Variants in UGT1A9 observed in about 807,000 individuals in gnomAD.
UGT1A9 encodes the protein UDP-glucuronosyltransferase 1A9.
A neutral mutation model predicts 45.0 loss-of-function variants in UGT1A9; 35 were observed. The observed-to-expected ratio is 0.78, with a 90% confidence interval of 0.59 to 1.03. The LOEUF is 1.03. UGT1A9 is among the 50% of genes least tolerant of loss of function. The probability of loss-of-function intolerance (pLI) is 0.00; values close to 1 mark genes in which losing one functional copy is unlikely to be tolerated. For missense variants in UGT1A9, 687 were observed against 666.6 expected (o/e 1.03, Z -0.34); for synonymous variants, 278 against 250.6 (o/e 1.11, Z -1.03).
At chr2:233,715,572 G>C (rs1398174608) in intron 1 of UGT1A9, among the ~76,000 whole-genome samples, 1 of 152,076 alleles carries the variant, frequency 6.6e-6, no homozygotes, top group African/African-American at 2.4e-5. Context: ...AGGAGTCTGA[G>C]AGCAGCCTGG....
At chr2:233,733,336 C>T (rs185739129) in intron 1 of UGT1A9, among the ~76,000 whole-genome samples, 4 of 152,264 alleles carry the variant, frequency 2.6e-5, no homozygotes, top group Admixed American at 2.6e-4. Context: ...CCAGAACTTC[C>T]AACAGTATGT....
intron 1 of UGT1A9, chr2:233,760,727 T>G: frequency 6.2e-7 from 1 of 1,614,214 alleles, no homozygotes; most frequent in Non-Finnish European, 8.5e-7. Context: ...AGCTTTGATG[T>G]CATGCTGACG....
intron 1 of UGT1A9, among the ~76,000 whole-genome samples, chr2:233,762,788 C>T (rs553369718): frequency 6.6e-6 from 1 of 151,422 alleles, no homozygotes; most frequent in East Asian, 1.9e-4. Context: ...ATTATCTACT[C>T]ATTACTCAGC....
chr2:233,723,050 G>T (rs1208688068), intron 1 of UGT1A9, among the ~76,000 whole-genome samples: 1 of 140,678 alleles, frequency 7.1e-6, no homozygotes, highest in African/African-American at 2.7e-5. Flanking sequence ...AGGCACACTC[G>T]GTGTAACTTT....
At chr2:233,724,827 C>G (rs2077319542) in intron 1 of UGT1A9, among the ~76,000 whole-genome samples, 1 of 135,060 alleles carries the variant, frequency 7.4e-6, no homozygotes, top group Non-Finnish European at 1.6e-5. Context: ...AATCTCGGCA[C>G]TTTGGGAGGC....
At position 233,767,018 on chromosome 2, in the gene UGT1A9, T is replaced by G. The variant is rs1699309557; in HGVS notation, c.856-16T>G. ...TATGAGAAAAAATTAACTGAAAATT[T>G]TTCTTCTGGCTCTAGGAATTTGAAG... On this transcript the variant is annotated splice_polypyrimidine_tract_variant and intron_variant, in intron 1 of 4. Coordinates refer to ENST00000354728, the MANE Select transcript of UGT1A9 (RefSeq NM_021027.3). 1 of 1,613,912 alleles carries G rather than the reference T, an allele frequency of 6.2e-7. No individual in the cohort carries two copies. Among genetic ancestry groups the G allele is most frequent in the East Asian group, 2.2e-5 (1 of 44,862 alleles).
chr2:233,743,224 A>G (rs397839834), intron 1 of UGT1A9: 25 of 414,132 alleles, frequency 6.0e-5, no homozygotes, highest in Middle Eastern at 7.1e-4. Context: ...GCTCTTTGCT[A>G]TTTATTATGA....
intron 1 of UGT1A9, among the ~76,000 whole-genome samples, chr2:233,720,622 C>T (rs1468465541): frequency 1.3e-5 from 2 of 151,716 alleles, no homozygotes; most frequent in African/African-American, 4.8e-5. Context: ...ATTTGGGTTT[C>T]ATTGAAATAG....
At chr2:233,712,068 A>G (rs1488052828) in intron 1 of UGT1A9, among the ~76,000 whole-genome samples, 1 of 152,218 alleles carries the variant, frequency 6.6e-6, no homozygotes, top group Non-Finnish European at 1.5e-5. Context: ...AATCTTCAGG[A>G]TGAAATAAAG....
chr2:233,746,674 G>T (rs1328656193), intron 1 of UGT1A9, among the ~76,000 whole-genome samples: 1 of 151,722 alleles, frequency 6.6e-6, no homozygotes, highest in South Asian at 2.1e-4. Context: ...TAGCATAGTA[G>T]GTAGGGCTCA....
intron 1 of UGT1A9, among the ~76,000 whole-genome samples, chr2:233,733,630 C>T (rs2078422347): frequency 6.6e-6 from 1 of 152,174 alleles, no homozygotes; most frequent in Non-Finnish European, 1.5e-5. Context: ...ATATGTTGAA[C>T]CAGCCTTGCA....
At chr2:233,695,534 T>C (rs2075294945) in intron 1 of UGT1A9, among the ~76,000 whole-genome samples, 1 of 152,134 alleles carries the variant, frequency 6.6e-6, no homozygotes, top group African/African-American at 2.4e-5. Context: ...TTTTTTCTTT[T>C]TCTTTTTTAA....
intron 1 of UGT1A9, chr2:233,693,643 T>C: frequency 6.2e-7 from 1 of 1,614,190 alleles, no homozygotes; most frequent in Non-Finnish European, 8.5e-7. Context: ...CCAACTTCCT[T>C]GTTAATTTGT....
Position 233,769,781 on chromosome 2 carries a change from G to A in UGT1A9, c.1295+1342G>A. On this transcript the variant is annotated intron_variant, in intron 4 of 4. Coordinates refer to ENST00000354728, the MANE Select transcript of UGT1A9 (RefSeq NM_021027.3). The surrounding 1 kb of genome is among the most constrained non-coding windows in gnomAD (Gnocchi z 4.4). ...AAGGCGGGAGGATTGCTTGAGCCCAGAAGTTGGAGGCTGCTATGAGCCGTG... is the reference window on the plus strand; with the variant it reads ...AAGGCGGGAGGATTGCTTGAGCCCAAAAGTTGGAGGCTGCTATGAGCCGTG... 1 of 1,329,528 alleles carries A rather than the reference G, an allele frequency of 7.5e-7. No homozygotes were observed. The highest frequency in any genetic ancestry group is 9.9e-7 in the Non-Finnish European group (1 of 1,014,222). 82.4% of individuals were successfully genotyped at this position (1,329,528 alleles called of 1,614,324 possible). A position where few individuals can be genotyped will look rare whatever the true frequency, so the allele number is the denominator to read the frequency against.
chr2:233,760,044 T>C (rs183598295), intron 1 of UGT1A9, among the ~76,000 whole-genome samples: 36 of 152,234 alleles, frequency 2.4e-4, no homozygotes, highest in East Asian at 9.6e-4. Context: ...CTTTGCTGTG[T>C]TCACTCAAGA....
intron 1 of UGT1A9, chr2:233,755,047 C>T (rs1236246701): frequency 7.5e-7 from 1 of 1,329,234 alleles, no homozygotes; most frequent in Non-Finnish European, 1.0e-6. Context: ...GCGCAGCCGC[C>T]CTCCGCCCTC....
intron 1 of UGT1A9, among the ~76,000 whole-genome samples, chr2:233,722,639 G>C (rs1429567836): frequency 2.0e-5 from 3 of 152,192 alleles, no homozygotes; most frequent in South Asian, 2.1e-4. Flanking sequence ...TTGAGGGCTC[G>C]AGTAAAAGAT....
rs2074220649 is a variant in UGT1A9, at chr2:233,672,307, A to T, written c.373A>T (p.Arg125Trp). 6.2e-7 allele frequency: 1 copy of T among 1,613,946 alleles called. No homozygotes were observed. The highest frequency in any genetic ancestry group is 1.3e-5 in the African/African-American group (1 of 74,902). The stretch of plus-strand genomic sequence containing the variant: ...TTTTGACTTATTTTTTTCAAATTGC[A>T]GGAGTTTGTTTAAAGACAAAAAATT... ...DIFDLFFSNC[R>W]SLFKDKKLVE... The change falls in exon 1 of 5, where the codon AGG becomes TGG. Residue 125 changes from arginine to tryptophan, a missense_variant. By Grantham distance (101) the Arg-to-Trp change is moderately radical (BLOSUM62 -3). Transcript: ENST00000354728.
chr2:233,729,822 A>G, intron 1 of UGT1A9: 1 of 1,613,914 alleles, frequency 6.2e-7, no homozygotes, highest in Non-Finnish European at 8.5e-7. Flanking sequence ...CTCCTTATGC[A>G]AGCCTTGCCT....
Sources: allele counts gnomAD v4.1 joint callset (sites outside exome capture counted in the v4.1 genomes callset), GRCh38; gene constraint gnomAD v4.1.1; non-coding constraint Gnocchi (gnomAD v3.1); transcripts MANE v1.5; gene names NCBI Gene and HGNC (gene_info 2026-07-23, HGNC 2026-07-21).